CR1L: variants seen among roughly 807,000 people sequenced by gnomAD.
CR1L encodes the protein complement component receptor 1-like protein.
In CR1L, 59 loss-of-function variants were observed where a neutral mutation model predicts 62.3. That is an observed-to-expected ratio of 0.95 (90% CI 0.77 to 1.18). CR1L has a LOEUF of 1.18. Among genes scored for constraint, CR1L ranks in the 50% most tolerant of loss-of-function variants. The pLI is 0.00. For missense variants in CR1L, 700 were observed against 702.8 expected, an observed-to-expected ratio of 1.00 and a Z score of 0.04; for synonymous variants, 279 against 248.7, an observed-to-expected ratio of 1.12 and a Z score of -1.15.
chr1:207,696,505 A>G (rs1278172621), intron 5 of CR1L, among the ~76,000 whole-genome samples: 3 of 152,204 alleles, frequency 2.0e-5, no homozygotes, highest in Non-Finnish European at 4.4e-5. Flanking sequence ...CAGAAATTTA[A>G]CCAGCACAGC....
intron 10 of CR1L, chr1:207,711,382 T>C (rs778504499): frequency 1.9e-5 from 3 of 160,918 alleles, no homozygotes; most frequent in Non-Finnish European, 2.7e-5. Context: ...GCAGGGCTTG[T>C]GTTCTGGTCA....
chr1:207,677,010 T>A (rs935611820), intron 1 of CR1L, among the ~76,000 whole-genome samples: 52 of 152,066 alleles, frequency 3.4e-4, no homozygotes, highest in African/African-American at 1.3e-3. Flanking sequence ...CTATGCAGTA[T>A]ATTTGAGAGA....
chr1:207,669,648 C>CTGCG (rs1663579480), intron 1 of CR1L: 1 of 779,372 alleles, frequency 1.3e-6, no homozygotes, highest in African/African-American at 1.9e-5. Context: ...CCGCGCTGGG[C>CTGCG]TGCGCTGCTC....
chr1:207,683,984 CTTT>C, intron 4 of CR1L, 27 bp downstream of exon 4: 1 of 1,589,440 alleles, frequency 6.3e-7, no homozygotes, highest in Non-Finnish European at 8.6e-7. Flanking sequence ...ATTCCTATTT[CTTT>C]TACCGATACA....
intron 1 of CR1L, among the ~76,000 whole-genome samples, chr1:207,656,470 C>T (rs1663312025): frequency 6.6e-6 from 1 of 152,028 alleles, no homozygotes; most frequent in Admixed American, 6.6e-5. Context: ...TAAATATAGG[C>T]GTATTAGGCC....
At chr1:207,662,054 C>T (rs1284592678) in intron 1 of CR1L, among the ~76,000 whole-genome samples, 1 of 152,320 alleles carries the variant, frequency 6.6e-6, no homozygotes, top group East Asian at 1.9e-4. Context: ...GGTAACCCGA[C>T]CTTTCTCTCT....
At chr1:207,670,384 A>C (rs1276956028) in intron 1 of CR1L, among the ~76,000 whole-genome samples, 1 of 151,242 alleles carries the variant, frequency 6.6e-6, no homozygotes, top group Admixed American at 6.6e-5. Context: ...TGTTTAGTAC[A>C]AAATAAAGCC....
intron 1 of CR1L, 46 bp from the exon 2 acceptor site, chr1:207,677,343 G>C: frequency 1.4e-6 from 1 of 721,816 alleles, no homozygotes; most frequent in Non-Finnish European, 2.1e-6. Context: ...AAAAAGTATG[G>C]TAATTTCTCC....
chr1:207,690,649 G>A (rs1663982020), intron 4 of CR1L, among the ~76,000 whole-genome samples: 1 of 152,142 alleles, frequency 6.6e-6, no homozygotes, highest in Non-Finnish European at 1.5e-5. Flanking sequence ...CCACAAACTT[G>A]GTGGCTTCAA....
At chr1:207,723,167 C>T (rs1461648977) in intron 11 of CR1L, among the ~76,000 whole-genome samples, 4 of 152,162 alleles carry the variant, frequency 2.6e-5, no homozygotes, top group African/African-American at 7.2e-5. Context: ...GGCAGTGGCT[C>T]GCGCCTGTAT....
At chr1:207,654,347 T>C (rs751992048) in intron 1 of CR1L, among the ~76,000 whole-genome samples, 79 of 152,152 alleles carry the variant, frequency 5.2e-4, no homozygotes, top group Non-Finnish European at 1.2e-4. Context: ...TACATAGAGC[T>C]TGCTAGGCAC....
Position 207,697,514 on chromosome 1 carries a change from C to T in CR1L, c.874C>T (p.Pro292Ser), listed in dbSNP as rs543653931. The change falls in exon 6 of 12, where the codon CCT becomes TCT. Residue 292 changes from proline to serine, a missense_variant. By Grantham distance (74) the Pro-to-Ser change is moderately conservative (BLOSUM62 -1). Coordinates refer to ENST00000508064, the MANE Select transcript of CR1L (RefSeq NM_175710.2). ...TTCTCTCTCCCCAGTATGTCAGCCA[C>T]CTCCAGATGTCCTGCATGCTGAGCG... is the stretch of plus-strand genomic sequence containing the variant. ...LPSCSRVCQPPPDVLHAERTQ... is the reference protein window; with the variant it reads ...LPSCSRVCQPSPDVLHAERTQ... 31 of 1,613,796 alleles carry T rather than the reference C, an allele frequency of 1.9e-5. No individual in the cohort carries two copies. The highest frequency in any genetic ancestry group is 5.3e-5 in the African/African-American group (4 of 75,042).
chr1:207,688,371 C>G (rs1215794432), intron 4 of CR1L, among the ~76,000 whole-genome samples: 1 of 152,110 alleles, frequency 6.6e-6, no homozygotes, highest in Non-Finnish European at 1.5e-5. Flanking sequence ...CAGGGAGGTT[C>G]TGTTCCACTG....
chr1:207,698,533 A>C (rs1280521282), intron 7 of CR1L, among the ~76,000 whole-genome samples: 3 of 152,190 alleles, frequency 2.0e-5, no homozygotes, highest in African/African-American at 7.2e-5. Flanking sequence ...GCAACAAAGC[A>C]CCTGATCCCA....
Position 207,697,617 on chromosome 1 carries a change from G to T in CR1L, c.977G>T (p.Gly326Val). 1 of 1,613,958 alleles carries T rather than the reference G, an allele frequency of 6.2e-7. No individual in the cohort carries two copies. Among genetic ancestry groups the T allele is most frequent in the Non-Finnish European group, 8.5e-7 (1 of 1,179,864 alleles). ...TGTGAGCCCGGCTACGACCTCAGAG[G>T]ATCTACGTATTTGCACTGCACACCC... ...YSCEPGYDLR[G>V]STYLHCTPQG... The change falls in exon 6 of 12, where the codon GGA becomes GTA. Residue 326 changes from glycine (G) to valine (V), a missense_variant. Gly to Val is a moderately radical substitution (Grantham distance 109). Coordinates refer to ENST00000508064, the MANE Select transcript of CR1L (RefSeq NM_175710.2).
At chr1:207,651,370 T>C (rs1663221592) in intron 1 of CR1L, among the ~76,000 whole-genome samples, 1 of 152,142 alleles carries the variant, frequency 6.6e-6, no homozygotes, top group Admixed American at 6.5e-5. Context: ...AGTATATATA[T>C]GGAGAATTTT....
intron 4 of CR1L, 52 bp from the exon 5 acceptor site, chr1:207,694,301 G>C: frequency 1.2e-6 from 2 of 1,602,294 alleles, no homozygotes; most frequent in Non-Finnish European, 1.7e-6. Context: ...TTAGTGACTC[G>C]TGAGATTTTT....
chr1:207,682,105 C>T (rs1173340942), intron 3 of CR1L, among the ~76,000 whole-genome samples: 1 of 152,044 alleles, frequency 6.6e-6, no homozygotes, highest in Non-Finnish European at 1.5e-5. Flanking sequence ...TGTAACAAAA[C>T]TGCACATTCT....
intron 4 of CR1L, among the ~76,000 whole-genome samples, chr1:207,693,393 CA>C (rs1178239449): frequency 6.6e-6 from 1 of 152,246 alleles, no homozygotes; most frequent in Non-Finnish European, 1.5e-5. Flanking sequence ...GCTAAGATTA[CA>C]GGCATGAGCC....
Sources: gnomAD v4.1 joint callset for allele counts (sites outside exome capture counted in the v4.1 genomes callset) on GRCh38, gnomAD v4.1.1 for gene constraint, MANE v1.5 for transcripts, NCBI Gene and HGNC (gene_info 2026-07-23, HGNC 2026-07-21) for gene names.